The following TEX14 variants were observed in gnomAD, a reference collection of about 807,000 sequenced individuals.
TEX14 encodes the protein testis expressed 14, intercellular bridge forming factor, also known as inactive serine/threonine-protein kinase TEX14.
Under a neutral mutation model 178.6 loss-of-function variants are expected in TEX14, and 168 were observed. The ratio of observed to expected loss-of-function variants is 0.94; its 90% CI spans 0.83 to 1.07. TEX14 has a LOEUF of 1.07. Ranked by LOEUF, TEX14 falls within the 50% of genes least tolerant of loss-of-function variation. The pLI is 0.00. For missense variants in TEX14, 1,730 were observed against 1,753.6 expected, an observed-to-expected ratio of 0.99 and a Z score of 0.24; for synonymous variants, 626 against 634.1, an observed-to-expected ratio of 0.99 and a Z score of 0.19.
At chr17:58,576,941 C>T (rs936894491) in intron 21 of TEX14, among the ~76,000 whole-genome samples, 17 of 152,136 alleles carry the variant, frequency 1.1e-4, no homozygotes, top group African/African-American at 3.6e-4. Flanking sequence ...GAAGGACATC[C>T]GGGTTTCCAG....
intron 2 of TEX14, chr17:58,631,838 A>G (rs959232948): frequency 6.6e-6 from 1 of 152,208 alleles, no homozygotes; most frequent in South Asian, 2.1e-4. Flanking sequence ...TATAGTCTTA[A>G]TGTCCATTTA....
At chr17:58,560,855 A>G (rs1419712775) in intron 29 of TEX14, among the ~76,000 whole-genome samples, 1 of 152,244 alleles carries the variant, frequency 6.6e-6, no homozygotes, top group Non-Finnish European at 1.5e-5. Context: ...ACATTTTTAT[A>G]TATCCAGCAT....
At chr17:58,675,761 T>C (rs1428129081) in intron 1 of TEX14, among the ~76,000 whole-genome samples, 1 of 152,184 alleles carries the variant, frequency 6.6e-6, no homozygotes, top group African/African-American at 2.4e-5. Flanking sequence ...GAACTGGAAA[T>C]CAAACTCAGG....
At chr17:58,644,902 C>A (rs1395956625) in intron 2 of TEX14, among the ~76,000 whole-genome samples, 1 of 151,470 alleles carries the variant, frequency 6.6e-6, no homozygotes, top group Non-Finnish European at 1.5e-5. Context: ...CCACCCACCT[C>A]GGCCTCCCAA....
At chr17:58,610,722 C>G (rs1238995336) in intron 10 of TEX14, among the ~76,000 whole-genome samples, 1 of 152,026 alleles carries the variant, frequency 6.6e-6, no homozygotes, top group Non-Finnish European at 1.5e-5. Context: ...TGCATCTCTA[C>G]TAAAAACACA....
At chr17:58,622,042 G>T (rs931004836) in intron 4 of TEX14, among the ~76,000 whole-genome samples, 10 of 152,194 alleles carry the variant, frequency 6.6e-5, no homozygotes, top group Non-Finnish European at 1.5e-5. Flanking sequence ...CTGGTCCAAG[G>T]CCCAACAGCT....
At chr17:58,641,799 C>G (rs1380971849) in intron 2 of TEX14, among the ~76,000 whole-genome samples, 1 of 152,154 alleles carries the variant, frequency 6.6e-6, no homozygotes, top group African/African-American at 2.4e-5. Context: ...TAAGCCACTG[C>G]GCCCAGCCAA....
chr17:58,650,654 G>A (rs375522949), intron 2 of TEX14, among the ~76,000 whole-genome samples: 5 of 151,940 alleles, frequency 3.3e-5, no homozygotes, highest in South Asian at 2.1e-4. Flanking sequence ...TAGAGACAGG[G>A]TCTCACAGTG....
rs2044583691 is a variant in TEX14, at chr17:58,573,235, T to G, written c.3457A>C (p.Lys1153Gln). The change falls in exon 23 of 32, where the codon AAA (lysine) becomes CAA (glutamine). Residue 1153 changes from lysine to glutamine, a missense_variant. Coordinates refer to ENST00000349033, the MANE Select transcript of TEX14 (RefSeq NM_031272.5). ...PDSSFKEASC[K>Q]TPKINHAPTS... ...GGTGCATGGTTTATTTTGGGTGTTT[T>G]GCATGAAGCTTCCTTAAAAGAGCTG... is the stretch of plus-strand genomic sequence containing the variant. 1.2e-6 allele frequency: 2 copies of G among 1,614,086 alleles called. No individual in the cohort carries two copies. The highest frequency in any genetic ancestry group is 8.5e-7 in the Non-Finnish European group (1 of 1,180,024).
At chr17:58,668,609 CTG>C (rs2047251882) in intron 1 of TEX14, among the ~76,000 whole-genome samples, 1 of 152,190 alleles carries the variant, frequency 6.6e-6, no homozygotes, top group Non-Finnish European at 1.5e-5. Context: ...TATGAGAAAA[CTG>C]AGGCCAAGGG....
intron 1 of TEX14, among the ~76,000 whole-genome samples, chr17:58,659,111 C>T (rs1567763180): frequency 6.7e-6 from 1 of 149,394 alleles, no homozygotes; most frequent in Non-Finnish European, 1.5e-5. Flanking sequence ...ACACACGCAA[C>T]AACACACAAG....
At chr17:58,592,793 C>G (rs2045187103) in intron 15 of TEX14, among the ~76,000 whole-genome samples, 1 of 152,182 alleles carries the variant, frequency 6.6e-6, no homozygotes, top group Non-Finnish European at 1.5e-5. Flanking sequence ...CCCACCTTGG[C>G]CTCCCAAAGT....
intron 2 of TEX14, among the ~76,000 whole-genome samples, chr17:58,643,396 G>A (rs898405124): frequency 6.6e-6 from 1 of 152,020 alleles, no homozygotes; most frequent in African/African-American, 2.4e-5. Context: ...GCCTACCCAA[G>A]CTGACTTAGA....
At chr17:58,620,688 T>G (rs1269679873) in intron 5 of TEX14, among the ~76,000 whole-genome samples, 1 of 151,950 alleles carries the variant, frequency 6.6e-6, no homozygotes, top group Admixed American at 6.6e-5. Flanking sequence ...GAGACGGGGG[T>G]TTCACCATGT....
intron 1 of TEX14, among the ~76,000 whole-genome samples, chr17:58,682,362 G>T (rs932079080): frequency 3.3e-5 from 5 of 151,478 alleles, no homozygotes; most frequent in African/African-American, 1.2e-4. Flanking sequence ...GGTTCAAGCG[G>T]TTCTCCTGCC....
At chr17:58,680,246 C>G (rs560542661) in intron 1 of TEX14, among the ~76,000 whole-genome samples, 1 of 152,040 alleles carries the variant, frequency 6.6e-6, no homozygotes, top group Non-Finnish European at 1.5e-5. Flanking sequence ...CTGCTATACA[C>G]GTAACCTGAG....
At chr17:58,676,298 C>T (rs1290992156) in intron 1 of TEX14, among the ~76,000 whole-genome samples, 3 of 151,978 alleles carry the variant, frequency 2.0e-5, no homozygotes, top group Non-Finnish European at 4.4e-5. Context: ...ATCACTTGAA[C>T]CCTGGGGGCA....
chr17:58,653,253 C>T (rs1203608830), intron 1 of TEX14, among the ~76,000 whole-genome samples: 1 of 152,104 alleles, frequency 6.6e-6, no homozygotes, highest in Non-Finnish European at 1.5e-5. Flanking sequence ...TTCAAAGGAA[C>T]TAATTTGTGT....
chr17:58,648,786 C>CTTTTT (rs34918333), intron 2 of TEX14, among the ~76,000 whole-genome samples: 4 of 89,722 alleles, frequency 4.5e-5, no homozygotes, highest in South Asian at 3.8e-4. Context: ...CTTTTTTTTT[C>CTTTTT]TTTTTTTTTT....
Sources: gnomAD v4.1 joint callset for allele counts (sites outside exome capture counted in the v4.1 genomes callset) on GRCh38, gnomAD v4.1.1 for gene constraint, MANE v1.5 for transcripts, NCBI Gene and HGNC (gene_info 2026-07-23, HGNC 2026-07-21) for gene names.